IQCJ: variants seen among roughly 807,000 people sequenced by gnomAD.
The protein encoded by IQCJ is IQ motif containing J.
Under a neutral mutation model 11.0 loss-of-function variants are expected in IQCJ, and 9 were observed. The ratio of observed to expected loss-of-function variants is 0.82; its 90% CI spans 0.49 to 1.43. IQCJ has a LOEUF of 1.43. Ranked by LOEUF, IQCJ falls within the 40% of genes most tolerant of loss-of-function variation. The pLI is 0.00. For missense variants in IQCJ, 146 were observed against 133.2 expected (o/e 1.10, Z -0.47); for synonymous variants, 55 against 51.3 (o/e 1.07, Z -0.31).
chr3:159,087,183 T>G (rs1029814674), intron 1 of IQCJ, among the ~76,000 whole-genome samples: 1 of 152,144 alleles, frequency 6.6e-6, no homozygotes. Flanking sequence ...AATCGTGTGG[T>G]TTTTGTCTTT....
chr3:159,140,648 A>G (rs1720549623), intron 1 of IQCJ, among the ~76,000 whole-genome samples: 1 of 152,204 alleles, frequency 6.6e-6, no homozygotes, highest in South Asian at 2.1e-4. Flanking sequence ...AGGGTCTGGA[A>G]TGAAAGTGAT....
chr3:159,145,442 C>G (rs190068744), intron 1 of IQCJ, among the ~76,000 whole-genome samples: 87 of 152,250 alleles, frequency 5.7e-4, no homozygotes, highest in African/African-American at 2.0e-3. Context: ...ATCACATAGA[C>G]AGCTAACTGT....
intron 1 of IQCJ, among the ~76,000 whole-genome samples, chr3:159,140,079 C>T (rs1177893049): frequency 6.6e-6 from 1 of 152,148 alleles, no homozygotes; most frequent in East Asian, 1.9e-4. Context: ...TGTTCACCCC[C>T]ATGTGTAGCC....
chr3:159,136,207 T>C (rs960624897), intron 1 of IQCJ, among the ~76,000 whole-genome samples: 1 of 152,182 alleles, frequency 6.6e-6, no homozygotes, highest in Non-Finnish European at 1.5e-5. Context: ...AAATTGGATA[T>C]TTTAGTACAG....
intron 1 of IQCJ, among the ~76,000 whole-genome samples, chr3:159,230,892 G>A (rs11707888): frequency 0.14 from 21,029 of 152,104 alleles, 1,655 homozygotes; most frequent in Middle Eastern, 0.2. Flanking sequence ...TTGGGGGTGT[G>A]TAGGAAAAAT....
At chr3:159,118,489 A>C (rs1484002365) in intron 1 of IQCJ, among the ~76,000 whole-genome samples, 1 of 152,252 alleles carries the variant, frequency 6.6e-6, no homozygotes, top group Non-Finnish European at 1.5e-5. Flanking sequence ...ATCGGCTCAT[A>C]AAATCTCCAA....
intron 1 of IQCJ, among the ~76,000 whole-genome samples, chr3:159,212,543 A>T (rs1725012097): frequency 6.6e-6 from 1 of 152,198 alleles, no homozygotes; most frequent in South Asian, 2.1e-4. Context: ...CCAGGCTATC[A>T]TGGGGCATCC....
intron 1 of IQCJ, among the ~76,000 whole-genome samples, chr3:159,181,482 C>T (rs767455553): frequency 6.7e-6 from 1 of 149,938 alleles, no homozygotes; most frequent in Non-Finnish European, 1.5e-5. Context: ...CCTGAGTTGT[C>T]ACCTGAACTG....
chr3:159,069,905 G>T, intron 1 of IQCJ: 1 of 257,730 alleles, frequency 3.9e-6, no homozygotes, highest in Non-Finnish European at 8.1e-6. Context: ...ATGGGGAGGA[G>T]GTGTTGATTT....
At chr3:159,118,762 T>C (rs1291767901) in intron 1 of IQCJ, among the ~76,000 whole-genome samples, 1 of 152,208 alleles carries the variant, frequency 6.6e-6, no homozygotes, top group African/African-American at 2.4e-5. Flanking sequence ...AATCCTGGCA[T>C]ATCTTGTTAG....
chr3:159,207,208 A>G (rs186684720), intron 1 of IQCJ, among the ~76,000 whole-genome samples: 32 of 152,172 alleles, frequency 2.1e-4, no homozygotes, highest in Non-Finnish European at 8.8e-5. Flanking sequence ...CTTAGTGTCT[A>G]TTTACAGCCC....
chr3:159,234,510 T>A (rs894196254), intron 1 of IQCJ, among the ~76,000 whole-genome samples: 1 of 152,090 alleles, frequency 6.6e-6, no homozygotes, highest in African/African-American at 2.4e-5. Context: ...AAGAGTTAAA[T>A]TATTGGAGAT....
chr3:159,182,149 C>A (rs371091784), intron 1 of IQCJ, among the ~76,000 whole-genome samples: 5 of 151,750 alleles, frequency 3.3e-5, no homozygotes, highest in East Asian at 1.9e-4. Context: ...TAAAAATATT[C>A]TCTCCCTACT....
chr3:159,079,018 G>C (rs1435013265), intron 1 of IQCJ, among the ~76,000 whole-genome samples: 1 of 152,032 alleles, frequency 6.6e-6, no homozygotes, highest in Non-Finnish European at 1.5e-5. Context: ...TGGCAGGCAG[G>C]GTTCTGATAG....
At chr3:159,180,722 A>G (rs1723047261) in intron 1 of IQCJ, among the ~76,000 whole-genome samples, 1 of 152,046 alleles carries the variant, frequency 6.6e-6, no homozygotes, top group African/African-American at 2.4e-5. Context: ...TTTCCATTAA[A>G]AAGTTGAGAG....
At chr3:159,115,802 C>T (rs772127709) in intron 1 of IQCJ, among the ~76,000 whole-genome samples, 14 of 152,046 alleles carry the variant, frequency 9.2e-5, no homozygotes, top group Non-Finnish European at 2.1e-4. Flanking sequence ...AGCAAACTAA[C>T]ACAAAAACAG....
intron 2 of IQCJ, among the ~76,000 whole-genome samples, chr3:159,249,725 A>T (rs1249625651): frequency 6.6e-6 from 1 of 152,238 alleles, no homozygotes; most frequent in Non-Finnish European, 1.5e-5. Context: ...ACTTGAAATA[A>T]CCATAAGTTA....
intron 1 of IQCJ, among the ~76,000 whole-genome samples, chr3:159,090,809 T>C (rs1200465079): frequency 1.3e-5 from 2 of 151,862 alleles, no homozygotes; most frequent in Non-Finnish European, 2.9e-5. Flanking sequence ...CACCTTTTCT[T>C]TTCACAAAAT....
At chr3:159,076,159 G>A (rs140849227) in intron 1 of IQCJ, among the ~76,000 whole-genome samples, 6 of 152,180 alleles carry the variant, frequency 3.9e-5, no homozygotes, top group African/African-American at 1.2e-4. Context: ...TTCTAGTGAT[G>A]TATGTCTCTG....
Sources: allele counts gnomAD v4.1 joint callset (sites outside exome capture counted in the v4.1 genomes callset), GRCh38; gene constraint gnomAD v4.1.1; transcripts MANE v1.5; gene names NCBI Gene and HGNC (gene_info 2026-07-23, HGNC 2026-07-21).